POU2F2: variants seen among roughly 807,000 people sequenced by gnomAD.
POU2F2 encodes the protein POU domain, class 2, transcription factor 2.
A neutral mutation model predicts 63.5 loss-of-function variants in POU2F2; 14 were observed. The ratio of observed to expected loss-of-function variants is 0.22; its 90% CI spans 0.15 to 0.34. POU2F2 has a LOEUF of 0.34. POU2F2 is among the 10% of genes least tolerant of loss of function. The pLI is 1.00. For missense variants in POU2F2, 607 were observed against 815.2 expected, an observed-to-expected ratio of 0.74 and a Z score of 3.11; for synonymous variants, 306 against 348.6, an observed-to-expected ratio of 0.88 and a Z score of 1.36.
At chr19:42,143,829 A>T (rs2034177552) in intron 2 of POU2F2, among the ~76,000 whole-genome samples, 1 of 152,000 alleles carries the variant, frequency 6.6e-6, no homozygotes, top group Non-Finnish European at 1.5e-5. Context: ...CTCCAGAATT[A>T]CACTTAAACA....
upstream of POU2F2, among the ~76,000 whole-genome samples, chr19:42,135,720 T>C (rs1051210703): frequency 2.0e-5 from 3 of 151,348 alleles, no homozygotes; most frequent in Non-Finnish European, 4.4e-5. Context: ...TTTTTTTTTT[T>C]CCTTTGAGAC....
intron 1 of POU2F2, among the ~76,000 whole-genome samples, chr19:42,130,202 C>T (rs1014181096): frequency 2.0e-5 from 3 of 152,118 alleles, no homozygotes; most frequent in African/African-American, 7.2e-5. Flanking sequence ...CAGACTCAGA[C>T]ATGTGTACGC....
chr19:42,124,959 G>A (rs1473470037), intron 1 of POU2F2, among the ~76,000 whole-genome samples: 1 of 152,210 alleles, frequency 6.6e-6, no homozygotes, highest in East Asian at 1.9e-4. Context: ...AAAGGATCTT[G>A]TTTGGTGGTT....
intron 4 of POU2F2, 102 bp downstream of exon 4, chr19:42,122,024 A>G: frequency 8.0e-7 from 1 of 1,246,480 alleles, no homozygotes; most frequent in South Asian, 1.2e-5. Context: ...TTACCAAGGT[A>G]CCAAGGCTCA....
chr19:42,168,638 C>G (rs1375728649), intron 1 of POU2F2, among the ~76,000 whole-genome samples: 3 of 152,194 alleles, frequency 2.0e-5, no homozygotes, highest in Non-Finnish European at 4.4e-5. Flanking sequence ...ATCTGGGCCC[C>G]AGGTGAAAGG....
Position 42,091,206 on chromosome 19 carries a change from AAGGGACCAAGGC to A in POU2F2, c.*39_*50del. On this transcript the variant is annotated 3_prime_UTR_variant, in exon 15 of 15. Transcript: ENST00000692977. ...TGGCCTCCTCGCCCTCTTCCCAGGCAAGGGACCAAGGCAGGGACCAGAGGAATGGGAGGGGAG... is the reference window on the plus strand; with the variant it reads ...TGGCCTCCTCGCCCTCTTCCCAGGCAAGGGACCAGAGGAATGGGAGGGGAG... The A allele has an allele frequency of 6.8e-7, 1 of 1,468,420 alleles. No homozygotes were observed. Among genetic ancestry groups the A allele is most frequent in the East Asian group, 2.5e-5 (1 of 40,228 alleles). The allele number at this position is 1,468,420 out of a possible 1,614,324, so 91.0% of individuals were successfully genotyped here.
upstream of POU2F2, among the ~76,000 whole-genome samples, chr19:42,135,914 T>TG (rs1306746098): frequency 6.6e-6 from 1 of 152,158 alleles, no homozygotes; most frequent in South Asian, 2.1e-4. Flanking sequence ...TTTCACCACA[T>TG]TGGCCAAACT....
chr19:42,119,735 G>A (rs1411753366), intron 4 of POU2F2, among the ~76,000 whole-genome samples: 1 of 152,016 alleles, frequency 6.6e-6, no homozygotes, highest in Non-Finnish European at 1.5e-5. Context: ...TTGCACTCCA[G>A]CCCGGGTGAC....
In POU2F2 at chr19:42,096,648, C is replaced by T. The variant is rs1006639295; in HGVS notation, c.568-405G>A. On this transcript the variant is annotated intron_variant, in intron 7 of 14. Transcript: ENST00000692977. This position sits in a 1 kb window ranked among gnomAD's most constrained non-coding sequence, Gnocchi z 4.1. ...ACTGCTTAGCCCAGGCCTCACTTTCCCCCTCTGCAGGATGGGAACAATCAC... is the reference window on the plus strand; with the variant it reads ...ACTGCTTAGCCCAGGCCTCACTTTCTCCCTCTGCAGGATGGGAACAATCAC... Among the ~76,000 whole-genome samples the T allele has an allele frequency of 2.6e-5, 4 of 152,202 alleles. No individual in the cohort carries two copies. Among genetic ancestry groups the T allele is most frequent in the African/African-American group, 4.8e-5 (2 of 41,446 alleles).
At chr19:42,176,248 C>T (rs1014809971), upstream of POU2F2, among the ~76,000 whole-genome samples, 3 of 152,190 alleles carry the variant, frequency 2.0e-5, no homozygotes, top group African/African-American at 7.2e-5. Context: ...CACCTCGCCT[C>T]TCTTCTCTGT....
At chr19:42,134,611 A>T (rs545638039), upstream of POU2F2, 5 of 152,530 alleles carry the variant, frequency 3.3e-5, no homozygotes, top group Non-Finnish European at 5.9e-5. Context: ...GTTGCCACAG[A>T]AGAGGCCTCG....
intron 1 of POU2F2, among the ~76,000 whole-genome samples, chr19:42,168,416 C>T (rs1016590496): frequency 2.0e-5 from 3 of 152,356 alleles, no homozygotes; most frequent in African/African-American, 4.8e-5. Context: ...CTGAAGGTCC[C>T]GTGACCCTGG....
Position 42,092,563 on chromosome 19 carries a change from G to A in POU2F2, c.1265-293C>T, listed in dbSNP as rs1480590531. On this transcript the variant is annotated intron_variant, in intron 12 of 14. Transcript: ENST00000692977. This position sits in a 1 kb window ranked among gnomAD's most constrained non-coding sequence, Gnocchi z 5.0. ...CGACTAGAAACGGGGGTGCCCAGGA[G>A]ACAAAGCCCTATGGCTCCCTCTAGG... is the stretch of plus-strand genomic sequence containing the variant. 6.6e-6 allele frequency among the ~76,000 whole-genome samples: 1 copy of A among 152,224 alleles called. No individual in the cohort carries two copies. Among genetic ancestry groups the A allele is most frequent in the Non-Finnish European group, 1.5e-5 (1 of 68,044 alleles).
At chr19:42,130,751 T>G (rs1351003395) in intron 1 of POU2F2, among the ~76,000 whole-genome samples, 1 of 151,270 alleles carries the variant, frequency 6.6e-6, no homozygotes, top group Admixed American at 6.6e-5. Context: ...CCACTCATTC[T>G]TCATATCCCT....
intron 11 of POU2F2, among the ~76,000 whole-genome samples, chr19:42,094,100 AAC>A (rs1195167644): frequency 6.6e-6 from 1 of 152,120 alleles, no homozygotes; most frequent in Non-Finnish European, 1.5e-5. Flanking sequence ...CTCCATTGAG[AAC>A]ACTCCCCACC....
rs1181417722 is a variant in POU2F2 at position 42,158,547 on chromosome 19, C to G, written c.-9+1785G>C. Among the ~76,000 whole-genome samples the G allele has an allele frequency of 2.0e-5, 3 of 152,226 alleles. No homozygotes were observed. The East Asian group carries it at 5.8e-4, about 29-fold the overall frequency. ...GTCTTGTAACAGGTGCCAACACCCA[C>G]TTCACAGGGTTGCTGTGAGGATTAA... is the stretch of plus-strand genomic sequence containing the variant. On this transcript the variant is annotated intron_variant, in intron 2 of 6. Transcript: ENST00000524801.
chr19:42,172,035 C>T (rs978165330), intron 1 of POU2F2, among the ~76,000 whole-genome samples: 1 of 152,200 alleles, frequency 6.6e-6, no homozygotes, highest in Non-Finnish European at 1.5e-5. Flanking sequence ...GCAGCTGAGC[C>T]TCCACAGACA....
intron 5 of POU2F2, chr19:42,110,486 G>C (rs1037765025): frequency 5.4e-6 from 1 of 185,310 alleles, no homozygotes; most frequent in Admixed American, 6.0e-5. Context: ...GGTTAGACTA[G>C]TGGGGTGCAA....
At chr19:42,170,275 C>G (rs981040183) in intron 1 of POU2F2, among the ~76,000 whole-genome samples, 1 of 151,916 alleles carries the variant, frequency 6.6e-6, no homozygotes, top group East Asian at 1.9e-4. Flanking sequence ...AACTCTGAAA[C>G]AGGCAATCAC....
Sources: allele counts gnomAD v4.1 joint callset (sites outside exome capture counted in the v4.1 genomes callset), GRCh38; gene constraint gnomAD v4.1.1; non-coding constraint Gnocchi (gnomAD v3.1); transcripts MANE v1.5; gene names NCBI Gene and HGNC (gene_info 2026-07-23, HGNC 2026-07-21).